CACNA1H: variants seen among roughly 807,000 people sequenced by gnomAD.
The protein encoded by CACNA1H is calcium voltage-gated channel subunit alpha1 H.
A neutral mutation model predicts 192.5 loss-of-function variants in CACNA1H; 149 were observed. The observed-to-expected ratio is 0.77, with a 90% confidence interval of 0.68 to 0.89. The LOEUF (loss-of-function observed/expected upper bound fraction) is 0.89. Among genes scored for constraint, CACNA1H ranks in the 40% least tolerant of loss-of-function variants. The pLI is 0.00. For synonymous variants in CACNA1H, 2,202 were observed against 1,475.2 expected (o/e 1.49, Z -11.29); for missense variants, 4,257 against 3,423.5 (o/e 1.24, Z -6.08).
chr16:1,209,997 A>C (rs981606521), intron 17 of CACNA1H, 38 bp from the exon 18 acceptor site: 1 of 1,480,652 alleles, frequency 6.8e-7, no homozygotes, highest in African/African-American at 1.4e-5. Flanking sequence ...CCGGGCAGGC[A>C]GGCGCAGGCT....
chr16:1,216,042 C>T (rs1441519844), intron 30 of CACNA1H, among the ~76,000 whole-genome samples: 2 of 152,150 alleles, frequency 1.3e-5, no homozygotes, highest in Non-Finnish European at 1.5e-5. Flanking sequence ...CCTCCAAGGC[C>T]AAGAGACCCA....
At chr16:1,197,562 G>A (rs1442509702) in intron 5 of CACNA1H, among the ~76,000 whole-genome samples, 4 of 152,228 alleles carry the variant, frequency 2.6e-5, no homozygotes, top group Admixed American at 6.5e-5. Context: ...CACGCTCAGG[G>A]CTGCATCCTG....
At chr16:1,174,388 C>T (rs1378148100) in intron 2 of CACNA1H, among the ~76,000 whole-genome samples, 1 of 152,198 alleles carries the variant, frequency 6.6e-6, no homozygotes, top group African/African-American at 2.4e-5. Context: ...ATGAATTTAG[C>T]CCATTGCTGC....
intron 6 of CACNA1H, 168 bp downstream of exon 6, chr16:1,198,942 C>A (rs968706179): frequency 3.1e-6 from 2 of 635,248 alleles, no homozygotes; most frequent in Admixed American, 5.7e-5. Flanking sequence ...GTCTCCCGCC[C>A]CCACCCCCCA....
chr16:1,210,484 C>A lies in CACNA1H; in HGVS notation c.3960C>A (p.Pro1320=), dbSNP rs761762840. 6.2e-7 allele frequency: 1 copy of A among 1,611,742 alleles called. No individual in the cohort carries two copies. The change falls in exon 19 of 35, where the codon CCC becomes CCA. Residue 1320 remains proline (P), a synonymous_variant. Transcript: ENST00000348261. Reference sequence around the variant, plus strand: ...CCCTGGAGAGGCCTGACATTGATCCCGGCAGCACCGTGAGTCAGCCAACCC... The same window carrying A: ...CCCTGGAGAGGCCTGACATTGATCCAGGCAGCACCGTGAGTCAGCCAACCC... ...TIALERPDID[P]GSTERVFLSV...
At chr16:1,181,763 G>A (rs990605530) in intron 2 of CACNA1H, among the ~76,000 whole-genome samples, 2 of 152,264 alleles carry the variant, frequency 1.3e-5, no homozygotes, top group Middle Eastern at 3.4e-3. Flanking sequence ...TGGGGGACCC[G>A]CCCTCATCTC....
intron 2 of CACNA1H, among the ~76,000 whole-genome samples, chr16:1,166,901 G>A (rs1963845852): frequency 6.6e-6 from 1 of 152,186 alleles, no homozygotes; most frequent in Non-Finnish European, 1.5e-5. Flanking sequence ...CCAGGTTCGG[G>A]GGAAACCCTG....
At position 1,206,242 on chromosome 16, in the gene CACNA1H, C is replaced by T. The variant is rs375091126; in HGVS notation, c.2742C>T (p.Asn914=). ...TGGTGCTGGTGAAGACCATGGACAA[C>T]GTGGCTACCTTCTGCACGCTGCTCA... The part of the protein sequence containing the change: ...QLVVLVKTMD[N]VATFCTLLML... The change falls in exon 12 of 35, where the codon AAC becomes AAT. Residue 914 remains asparagine, a synonymous_variant. Coordinates refer to ENST00000348261, the MANE Select transcript of CACNA1H (RefSeq NM_021098.3). The T allele has an allele frequency of 4.3e-5, 68 of 1,590,084 alleles. No individual in the cohort carries two copies. The highest frequency in any genetic ancestry group is 2.0e-4 in the African/African-American group (15 of 74,492).
At position 1,217,009 on chromosome 16, in the gene CACNA1H, G is replaced by A. The variant is rs1970080955; in HGVS notation, c.5322G>A (p.Leu1774=). 3.1e-6 allele frequency: 5 copies of A among 1,589,706 alleles called. No individual in the cohort carries two copies. The highest frequency in any genetic ancestry group is 4.3e-6 in the Non-Finnish European group (5 of 1,168,066). Residue 1774 remains leucine, a splice_region_variant and synonymous_variant, in exon 31 of 35, where the codon CTG becomes CTA. Transcript: ENST00000348261. ...TGGGAGTGGAGCTGTTCGGGAGGCTGGGTGAGTGGCTCCTGCGCCCTCCTC... is the reference window on the plus strand; with the variant it reads ...TGGGAGTGGAGCTGTTCGGGAGGCTAGGTGAGTGGCTCCTGCGCCCTCCTC... ...AALGVELFGR[L]ECSEDNPCEG...
At chr16:1,197,534 C>T (rs1050604817) in intron 5 of CACNA1H, among the ~76,000 whole-genome samples, 6 of 152,220 alleles carry the variant, frequency 3.9e-5, no homozygotes, top group African/African-American at 7.2e-5. Context: ...CTGGATAATA[C>T]GCTTCTCATA....
At chr16:1,212,627 G>A (rs1273972246) in intron 26 of CACNA1H, 99 bp downstream of exon 26, 4 of 1,425,634 alleles carry the variant, frequency 2.8e-6, no homozygotes, top group South Asian at 2.5e-5. Context: ...CGCAGGGTGG[G>A]CACAGGCAGC....
intron 2 of CACNA1H, among the ~76,000 whole-genome samples, chr16:1,175,984 C>T (rs1431183085): frequency 3.9e-5 from 6 of 152,298 alleles, no homozygotes; most frequent in Admixed American, 3.9e-4. Context: ...CTGCCATGCT[C>T]CCAGGACATC....
chr16:1,199,676 G>A (rs1293710395), intron 6 of CACNA1H, among the ~76,000 whole-genome samples: 1 of 139,880 alleles, frequency 7.1e-6, no homozygotes, highest in East Asian at 2.2e-4. Flanking sequence ...CCCTCACCCC[G>A]GGTTCTCCCC....
intron 1 of CACNA1H, 109 bp from the exon 2 acceptor site, chr16:1,153,608 TAAG>T (rs1237432918): frequency 5.1e-6 from 3 of 590,772 alleles, no homozygotes; most frequent in African/African-American, 2.0e-5. Context: ...TTGTCTCTAA[TAAG>T]AAAAGACAAA....
chr16:1,205,918 G>A (rs775989540), intron 11 of CACNA1H, among the ~76,000 whole-genome samples, 186 bp from the exon 12 acceptor site: 23 of 152,202 alleles, frequency 1.5e-4, no homozygotes, highest in Admixed American at 9.2e-4. Context: ...GGCCATCAGC[G>A]GATAAGCGGC....
intron 15 of CACNA1H, 24 bp downstream of exon 15, chr16:1,207,884 C>G (rs200454308): frequency 6.4e-7 from 1 of 1,560,602 alleles, no homozygotes; most frequent in Non-Finnish European, 8.7e-7. Flanking sequence ...GTGGGTGGTC[C>G]GGGTTCTGGC....
Position 1,195,233 on chromosome 16 carries a change from CGAGGTGGGGCTG to C in CACNA1H, c.411+152_411+163del, listed in dbSNP as rs1202678130. 5.1e-5 allele frequency: 22 copies of C among 432,966 alleles called. No homozygotes were observed. In the East Asian group the frequency reaches 1.6e-3, roughly 32 times the overall value. 26.8% of individuals were successfully genotyped at this position (432,966 alleles called of 1,614,324 possible). On this transcript the variant is annotated intron_variant, in intron 3 of 34. Coordinates refer to ENST00000348261, the MANE Select transcript of CACNA1H (RefSeq NM_021098.3). The stretch of plus-strand genomic sequence containing the variant: ...TCAGGGCGAGGTTCACGGCGGGGCG[CGAGGTGGGGCTG>C]GGGGTGGGGCAGGGCGAGAGGCGAG...
chr16:1,214,025 T>C (rs1969774672), intron 27 of CACNA1H, 94 bp downstream of exon 27: 2 of 1,113,376 alleles, frequency 1.8e-6, no homozygotes, highest in Non-Finnish European at 2.6e-6. Flanking sequence ...GGCGCTCCGC[T>C]GAGCCCTCGC....
Position 1,220,399 on chromosome 16 carries a change from C to A in CACNA1H, c.6467C>A (p.Pro2156His). 1.3e-6 allele frequency: 2 copies of A among 1,523,912 alleles called. No individual in the cohort carries two copies. Among genetic ancestry groups the A allele is most frequent in the Non-Finnish European group, 1.7e-6 (2 of 1,144,602 alleles). The allele number at this position is 1,523,912 out of a possible 1,614,324, so 94.4% of individuals were successfully genotyped here. The part of the protein sequence containing the change: ...KPGRADEQWR[P>H]SAELGSGEPG... ...GGCCGGGCAGACGAGCAGTGGCGGC[C>A]CTCGGCGGAGCTGGGCAGCGGGGAG... Residue 2156 changes from proline (P) to histidine (H), a missense_variant, in exon 35 of 35, where the codon CCC (proline) becomes CAC (histidine). By Grantham distance (77) the Pro-to-His change is moderately conservative. Transcript: ENST00000348261.
Sources: gnomAD v4.1 joint callset for allele counts (sites outside exome capture counted in the v4.1 genomes callset) on GRCh38, gnomAD v4.1.1 for gene constraint, MANE v1.5 for transcripts, NCBI Gene and HGNC (gene_info 2026-07-23, HGNC 2026-07-21) for gene names.